Variants in DDX3X observed in about 807,000 individuals in gnomAD.
The protein encoded by DDX3X is DEAD-box helicase 3 X-linked, also known as ATP-dependent RNA helicase DDX3X.
A neutral mutation model predicts 52.7 loss-of-function variants in DDX3X; 4 were observed. The observed-to-expected ratio is 0.08, with a 90% CI of 0.04 to 0.17. The LOEUF (loss-of-function observed/expected upper bound fraction) is 0.17. Ranked by LOEUF, DDX3X falls within the 10% of genes least tolerant of loss-of-function variation. The pLI, the probability that DDX3X is intolerant of heterozygous loss-of-function variation, is 1.00. For missense variants in DDX3X, 222 were observed against 548.6 expected (o/e 0.40, Z 5.95); for synonymous variants, 192 against 178.1 (o/e 1.08, Z -0.62).
rs1467805850 is a variant in DDX3X, at chrX:41,346,410, A to G, written c.1497A>G (p.Ala499=). 2 of 1,206,275 alleles carry G rather than the reference A, an allele frequency of 1.7e-6. No individual in the cohort carries two copies. Among genetic ancestry groups the G allele is most frequent in the Non-Finnish European group, 2.2e-6 (2 of 892,852 alleles). ...AAAGCCCAATTTTAGTGGCTACAGC[A>G]GTATGTATAAACATCTTTCTTTTAT... The part of the protein sequence containing the change: ...SGKSPILVAT[A]VAARGLDISN... Residue 499 remains alanine (A), a splice_region_variant and synonymous_variant, in exon 13 of 17, where the codon GCA becomes GCG. Coordinates refer to ENST00000644876, the MANE Select transcript of DDX3X (RefSeq NM_001356.5).
chrX:41,353,512 C>T (rs916535314), downstream of DDX3X, among the ~76,000 whole-genome samples: 1 of 99,616 alleles, frequency 1.0e-5, no homozygotes, highest in African/African-American at 3.7e-5. Flanking sequence ...GGTGCTGGCC[C>T]GGCACAGTGG....
At position 41,334,489 on chromosome X, in the gene DDX3X, G is replaced by C. The variant is rs768850138; in HGVS notation, c.45+192G>C. ...GGGGCTGTCGCCCGGGCCCGGTCTCGGCCCGCTGTATTGTCCCCGGGACGA... is the reference window on the plus strand; with the variant it reads ...GGGGCTGTCGCCCGGGCCCGGTCTCCGCCCGCTGTATTGTCCCCGGGACGA... On this transcript the variant is annotated intron_variant, in intron 1 of 16. Coordinates refer to ENST00000644876, the MANE Select transcript of DDX3X (RefSeq NM_001356.5). 29 of 1,096,467 alleles carry C rather than the reference G, an allele frequency of 2.6e-5. No homozygotes were observed. The African/African-American group carries it at 4.4e-4, about 17-fold the overall frequency. The allele number at this position is 1,096,467 out of a possible 1,213,427, so 90.4% of individuals were successfully genotyped here.
At chrX:41,345,741 C>T in intron 12 of DDX3X, 193 bp downstream of exon 12, 1 of 410,628 alleles carries the variant, frequency 2.4e-6, no homozygotes, top group Non-Finnish European at 4.2e-6. Context: ...CGGGAGGTTA[C>T]CATGTTGATG....
downstream of DDX3X, chrX:41,351,563 T>G (rs1038883128): frequency 8.0e-5 from 9 of 111,849 alleles, no homozygotes; most frequent in African/African-American, 2.3e-4. Flanking sequence ...AATGCAGAGA[T>G]ACCTACTTAT....
intron 1 of DDX3X, chrX:41,334,529 T>G (rs1009523533): frequency 4.6e-6 from 5 of 1,093,440 alleles, no homozygotes; most frequent in Non-Finnish European, 4.8e-6. Context: ...AATGGCGGCT[T>G]TTGTGTGTGC....
intron 3 of DDX3X, chrX:41,340,465 T>G: frequency 6.5e-6 from 1 of 154,103 alleles, no homozygotes. Flanking sequence ...TGTTTCTGTT[T>G]AATAAGGTGT....
At chrX:41,337,791 A>G (rs1446582887) in intron 2 of DDX3X, 2 of 154,441 alleles carry the variant, frequency 1.3e-5, no homozygotes, top group Non-Finnish European at 2.4e-5. Context: ...CCTTTCTGAT[A>G]ATAAAACATC....
At chrX:41,350,964 T>C (rs2063980778), downstream of DDX3X, 1 of 112,042 alleles carries the variant, frequency 8.9e-6, no homozygotes, top group Non-Finnish European at 1.9e-5. Flanking sequence ...TAAGGAAGTA[T>C]GGTTCTGGAT....
chrX:41,341,268 A>T lies in DDX3X; in HGVS notation c.152-216A>T. On this transcript the variant is annotated intron_variant, in intron 3 of 16. Transcript: ENST00000644876. Reference sequence around the variant, plus strand: ...CCAAAGTGCTGGGATTACAGGCGTGAGCCACCATGCCTGGCCAGTGGACAG... The same window carrying T: ...CCAAAGTGCTGGGATTACAGGCGTGTGCCACCATGCCTGGCCAGTGGACAG... 3 of 329,105 alleles carry T rather than the reference A, an allele frequency of 9.1e-6. No homozygotes were observed. In the South Asian group the frequency reaches 1.5e-4, roughly 17 times the overall value. 27.1% of individuals were successfully genotyped at this position (329,105 alleles called of 1,213,427 possible). A position where few individuals can be genotyped will look rare whatever the true frequency, so the allele number is the denominator to read the frequency against.
intron 5 of DDX3X, among the ~76,000 whole-genome samples, chrX:41,363,032 G>C (rs2064035413): frequency 8.9e-6 from 1 of 112,365 alleles, no homozygotes; most frequent in African/African-American, 3.2e-5. Flanking sequence ...CACTGACTGG[G>C]ACCTTCAGCT....
downstream of DDX3X, chrX:41,350,400 G>C (rs1281223009): frequency 2.7e-5 from 3 of 112,283 alleles, no homozygotes; most frequent in East Asian, 8.3e-4. Context: ...GAAATACAGT[G>C]AAACAGGATT....
chrX:41,340,941 A>G (rs550168502), intron 3 of DDX3X: 7 of 284,316 alleles, frequency 2.5e-5, no homozygotes, highest in African/African-American at 1.7e-4. Context: ...GTATTCATTG[A>G]GAAACATTCT....
chrX:41,344,454 T>G (rs772688701), intron 10 of DDX3X, 55 bp downstream of exon 10: 5 of 1,177,480 alleles, frequency 4.2e-6, no homozygotes, highest in Non-Finnish European at 5.8e-6. Flanking sequence ...TTCTTTTGTT[T>G]TTGGCAGAGT....
intron 2 of DDX3X, 148 bp downstream of exon 2, chrX:41,337,613 A>G (rs1274222734): frequency 2.3e-6 from 1 of 429,370 alleles, no homozygotes; most frequent in Non-Finnish European, 3.9e-6. Flanking sequence ...ATTATGTAGT[A>G]CTTAGTGATC....
At chrX:41,343,874 T>C (rs887453995) in intron 8 of DDX3X, 52 bp downstream of exon 8, 1 of 1,065,576 alleles carries the variant, frequency 9.4e-7, no homozygotes. Context: ...AGGTGGCCAT[T>C]GAGAGGGCTT....
intron 2 of DDX3X, 76 bp downstream of exon 2, chrX:41,337,541 T>G: frequency 5.4e-6 from 5 of 921,942 alleles, no homozygotes; most frequent in Non-Finnish European, 7.7e-6. Context: ...TATGTAAAAT[T>G]TAAGAAATTT....
chrX:41,347,007 T>G lies in DDX3X; in HGVS notation c.1764T>G (p.Ser588=), dbSNP rs1376305594. 1 of 1,207,995 alleles carries G rather than the reference T, an allele frequency of 8.3e-7. No individual in the cohort carries two copies. The highest frequency in any genetic ancestry group is 1.1e-6 in the Non-Finnish European group (1 of 893,437). ...HHYKGSSRGR[S]KSSRFSGGFG... The stretch of plus-strand genomic sequence containing the variant: ...ACAAGGGTAGCAGTCGTGGACGTTC[T>G]AAGAGGTGAGGTATAAATAGTATAT... The change falls in exon 15 of 17, where the codon TCT becomes TCG. Residue 588 remains serine, a synonymous_variant. Transcript: ENST00000644876.
At chrX:41,340,699 T>G in intron 3 of DDX3X, 1 of 292,151 alleles carries the variant, frequency 3.4e-6, no homozygotes, top group Admixed American at 6.1e-5. Context: ...CAATTTGACA[T>G]TAGTGTTCTT....
chrX:41,344,260 C>A lies in DDX3X; in HGVS notation c.886C>A (p.Arg296Ser), dbSNP rs2063892136. 8.3e-7 allele frequency: 1 copy of A among 1,209,424 alleles called. No individual in the cohort carries two copies. Among genetic ancestry groups the A allele is most frequent in the African/African-American group, 1.8e-5 (1 of 57,022 alleles). ...ATAGTTTTCATACCGATCTAGAGTT[C>A]GTCCTTGCGTGGTTTATGGTGGTGC... is the stretch of plus-strand genomic sequence containing the variant. Reference protein sequence around the residue: ...ARKFSYRSRVRPCVVYGGADI... With the variant: ...ARKFSYRSRVSPCVVYGGADI... The change falls in exon 10 of 17, where the codon CGT (arginine) becomes AGT (serine). Residue 296 changes from arginine to serine, a missense_variant. Transcript: ENST00000644876.
Sources: gnomAD v4.1 joint callset for allele counts (sites outside exome capture counted in the v4.1 genomes callset) on GRCh38, gnomAD v4.1.1 for gene constraint, MANE v1.5 for transcripts, NCBI Gene and HGNC (gene_info 2026-07-23, HGNC 2026-07-21) for gene names.